RNLS: variants seen among roughly 807,000 people sequenced by gnomAD.
RNLS encodes the protein renalase.
In RNLS, 39 loss-of-function variants were observed where a neutral mutation model predicts 39.8. That is an observed-to-expected ratio of 0.98 (90% CI 0.76 to 1.28). RNLS has a LOEUF of 1.28. RNLS is among the 50% of genes most tolerant of loss of function. The pLI, the probability that RNLS is intolerant of heterozygous loss-of-function variation, is 0.00. For synonymous variants in RNLS, 147 were observed against 150.7 expected (o/e 0.98, Z 0.18); for missense variants, 410 against 413.3 (o/e 0.99, Z 0.07).
intron 4 of RNLS, among the ~76,000 whole-genome samples, chr10:88,527,179 A>C (rs1008676381): frequency 6.6e-6 from 1 of 152,114 alleles, no homozygotes; most frequent in African/African-American, 2.4e-5. Context: ...CTACAGACAT[A>C]ATGGAGAGGC....
At chr10:88,218,825 C>T in the RNLS span, among the ~76,000 whole-genome samples, 1 of 152,152 alleles carries the variant, frequency 6.6e-6, no homozygotes, top group Admixed American at 6.5e-5. Flanking sequence ...ATACTTTCAT[C>T]TCAGACAGGC....
intron 6 of RNLS, among the ~76,000 whole-genome samples, chr10:88,286,796 T>TA (rs1454790483): frequency 1.3e-5 from 2 of 151,400 alleles, no homozygotes; most frequent in Admixed American, 6.6e-5. Context: ...CCTTACAGTT[T>TA]TTTTTTTTCT....
At chr10:88,500,139 C>T (rs1044206049) in intron 4 of RNLS, among the ~76,000 whole-genome samples, 2 of 152,066 alleles carry the variant, frequency 1.3e-5, no homozygotes, top group Non-Finnish European at 2.9e-5. Context: ...ATGCACCAAA[C>T]GGAAGTTCTG....
intron 6 of RNLS, among the ~76,000 whole-genome samples, chr10:88,296,622 T>G (rs1445026277): frequency 6.6e-6 from 1 of 152,164 alleles, no homozygotes; most frequent in African/African-American, 2.4e-5. Flanking sequence ...AATGTTGTGT[T>G]CCTCAGAAAG....
chr10:88,483,419 T>C (rs12356177), intron 4 of RNLS, among the ~76,000 whole-genome samples: 13,164 of 152,156 alleles, frequency 0.087, 752 homozygotes, highest in Middle Eastern at 0.14. Context: ...GCAAAATTTC[T>C]CTTTTTTATT....
At chr10:88,524,956 C>CACATATATATATATATATAT (rs768939981) in intron 4 of RNLS, among the ~76,000 whole-genome samples, 2 of 76,282 alleles carry the variant, frequency 2.6e-5, no homozygotes, top group East Asian at 5.8e-4. Flanking sequence ...ATGGCACACA[C>CACATATATATATATATATAT]ATACATATAT....
At chr10:88,403,994 T>A (rs531061359) in intron 4 of RNLS, among the ~76,000 whole-genome samples, 1 of 152,058 alleles carries the variant, frequency 6.6e-6, no homozygotes, top group Admixed American at 6.6e-5. Flanking sequence ...CAGTGAGCTA[T>A]GATCACACCA....
intron 4 of RNLS, among the ~76,000 whole-genome samples, chr10:88,462,541 G>A (rs1291339692): frequency 6.6e-6 from 1 of 151,852 alleles, no homozygotes; most frequent in Non-Finnish European, 1.5e-5. Flanking sequence ...ATAATATACT[G>A]TCTTATAAAT....
the RNLS span, among the ~76,000 whole-genome samples, chr10:88,242,888 G>A: frequency 5.9e-5 from 9 of 152,134 alleles, no homozygotes; most frequent in East Asian, 5.8e-4. Context: ...TGGAGGTTGC[G>A]GTGAGCCAAG....
At chr10:88,376,433 T>G (rs986836328) in intron 4 of RNLS, among the ~76,000 whole-genome samples, 1 of 152,218 alleles carries the variant, frequency 6.6e-6, no homozygotes, top group African/African-American at 2.4e-5. Flanking sequence ...GTATGTAATA[T>G]AGATGAGTCA....
chr10:88,392,595 T>C (rs1852275230), intron 4 of RNLS, among the ~76,000 whole-genome samples: 1 of 152,300 alleles, frequency 6.6e-6, no homozygotes. Flanking sequence ...AATGGCCACC[T>C]ATGACAAAGA....
chr10:88,478,743 C>A (rs532891164), intron 4 of RNLS, among the ~76,000 whole-genome samples: 2 of 152,316 alleles, frequency 1.3e-5, no homozygotes, highest in African/African-American at 4.8e-5. Flanking sequence ...GGCACACAAA[C>A]CCATCACTTT....
rs1445534311 is a variant in RNLS at position 88,284,535 on chromosome 10, T to G, written c.*819A>C. On this transcript the variant is annotated 3_prime_UTR_variant, in exon 7 of 7. Coordinates refer to ENST00000331772, the MANE Select transcript of RNLS (RefSeq NM_001031709.3). ...TTCTGGTTCAGTAAATTTTTTGTTGTGTTAAATTCATTAAACTCGACACAG... is the reference window on the plus strand; with the variant it reads ...TTCTGGTTCAGTAAATTTTTTGTTGGGTTAAATTCATTAAACTCGACACAG... The G allele has an allele frequency of 1.0e-6, 1 of 985,258 alleles. No individual in the cohort carries two copies. The allele number at this position is 985,258 out of a possible 1,614,324, so 61.0% of individuals were successfully genotyped here.
chr10:88,547,612 T>A (rs1740275488), intron 4 of RNLS, among the ~76,000 whole-genome samples: 1 of 152,226 alleles, frequency 6.6e-6, no homozygotes, highest in Admixed American at 6.5e-5. Context: ...AAGAGAATTA[T>A]AAGCATAGCA....
intron 4 of RNLS, among the ~76,000 whole-genome samples, chr10:88,452,593 T>A (rs1026016600): frequency 1.3e-5 from 2 of 151,986 alleles, no homozygotes; most frequent in Admixed American, 1.3e-4. Flanking sequence ...CCCACAGCTG[T>A]TCCTACAACT....
chr10:88,511,091 AC>A (rs1392392782), intron 4 of RNLS, among the ~76,000 whole-genome samples: 1 of 151,696 alleles, frequency 6.6e-6, no homozygotes, highest in African/African-American at 2.4e-5. Context: ...ATGGATTAAG[AC>A]GAGGGAGAAA....
chr10:88,366,235 AT>A, intron 4 of RNLS, among the ~76,000 whole-genome samples: 1 of 152,124 alleles, frequency 6.6e-6, no homozygotes, highest in East Asian at 1.9e-4. Flanking sequence ...ACCTCTGAGG[AT>A]TTTACTTGGA....
At chr10:88,546,872 G>A (rs1404409445) in intron 4 of RNLS, among the ~76,000 whole-genome samples, 1 of 149,012 alleles carries the variant, frequency 6.7e-6, no homozygotes, top group African/African-American at 2.5e-5. Flanking sequence ...GCCAGACGTT[G>A]CAAGTCCAAA....
At chr10:88,306,293 C>A (rs563446521) in intron 6 of RNLS, among the ~76,000 whole-genome samples, 14 of 152,050 alleles carry the variant, frequency 9.2e-5, no homozygotes, top group Admixed American at 3.3e-4. Context: ...CAAATACATA[C>A]CAAAGCTAGC....
Sources: gnomAD v4.1 joint callset for allele counts (sites outside exome capture counted in the v4.1 genomes callset) on GRCh38, gnomAD v4.1.1 for gene constraint, MANE v1.5 for transcripts, NCBI Gene and HGNC (gene_info 2026-07-23, HGNC 2026-07-21) for gene names.